The following LRFN2 variants were observed in gnomAD, a reference collection of about 807,000 sequenced individuals.
The protein encoded by LRFN2 is leucine-rich repeat and fibronectin type-III domain-containing protein 2.
A neutral mutation model predicts 37.3 loss-of-function variants in LRFN2; 18 were observed. The observed-to-expected ratio is 0.48, with a 90% CI of 0.33 to 0.72. The LOEUF is 0.72. LRFN2 is among the 30% of genes least tolerant of loss of function. LRFN2 has a pLI of 0.02. For synonymous variants in LRFN2, 556 were observed against 466.6 expected (o/e 1.19, Z -2.47); for missense variants, 1,006 against 1,060.7 (o/e 0.95, Z 0.72).
At chr6:40,496,268 A>G (rs1232463224) in intron 1 of LRFN2, among the ~76,000 whole-genome samples, 1 of 152,094 alleles carries the variant, frequency 6.6e-6, no homozygotes, top group Non-Finnish European at 1.5e-5. Flanking sequence ...CTTCTAATTT[A>G]TCCTGTCATT....
At chr6:40,537,069 G>T (rs373623877) in intron 1 of LRFN2, among the ~76,000 whole-genome samples, 4 of 152,296 alleles carry the variant, frequency 2.6e-5, no homozygotes, top group Non-Finnish European at 5.9e-5. Context: ...GCTAGTACAC[G>T]GCAGAGCTGG....
In LRFN2 at chr6:40,523,505, A is replaced by ATTTTTTTTTT. The variant is rs751179915; in HGVS notation, c.-19+63426_-19+63435dup. Among the ~76,000 whole-genome samples, 2 of 129,314 alleles carry ATTTTTTTTTT rather than the reference A, an allele frequency of 1.5e-5. 1 individual carries two copies. 84.8% of individuals were successfully genotyped at this position (129,314 alleles called of 152,430 possible). Reference sequence around the variant, plus strand: ...TAGGACCCTAAAGCATCTTTAGGTGATTTTTTTTTTTTTTTTTTTTTTTTT... The same window carrying ATTTTTTTTTT: ...TAGGACCCTAAAGCATCTTTAGGTGATTTTTTTTTTTTTTTTTTTTTTTTTTTTTTTTTTT... On this transcript the variant is annotated intron_variant, in intron 1 of 2. Transcript: ENST00000338305.
At chr6:40,508,988 T>C (rs941933171) in intron 1 of LRFN2, among the ~76,000 whole-genome samples, 3 of 152,346 alleles carry the variant, frequency 2.0e-5, no homozygotes, top group Middle Eastern at 3.4e-3. Flanking sequence ...CCCTTCCTTA[T>C]AAGGACTATG....
At chr6:40,520,682 G>C (rs1359338035) in intron 1 of LRFN2, among the ~76,000 whole-genome samples, 1 of 147,236 alleles carries the variant, frequency 6.8e-6, no homozygotes, top group Non-Finnish European at 1.5e-5. Context: ...CCAGCAAGGA[G>C]AGGGGCCTCT....
intron 1 of LRFN2, among the ~76,000 whole-genome samples, chr6:40,542,312 C>T (rs567408270): frequency 1.6e-4 from 24 of 151,990 alleles, no homozygotes; most frequent in Non-Finnish European, 3.2e-4. Context: ...AAACCTGGCC[C>T]GGAGAGGTGG....
At chr6:40,583,726 C>T (rs907019062) in intron 1 of LRFN2, among the ~76,000 whole-genome samples, 2 of 152,138 alleles carry the variant, frequency 1.3e-5, no homozygotes, top group African/African-American at 4.8e-5. Flanking sequence ...GTATCCCTCC[C>T]GCTACTACAC....
At chr6:40,582,333 G>C (rs1388725124) in intron 1 of LRFN2, among the ~76,000 whole-genome samples, 2 of 151,862 alleles carry the variant, frequency 1.3e-5, no homozygotes. Flanking sequence ...TAAATGCAGT[G>C]AAATCTAAAG....
chr6:40,517,977 C>T (rs1457214463), intron 1 of LRFN2, among the ~76,000 whole-genome samples: 1 of 152,180 alleles, frequency 6.6e-6, no homozygotes, highest in Non-Finnish European at 1.5e-5. Flanking sequence ...GACTCCTCAT[C>T]TCCCAGTTCA....
At chr6:40,563,366 G>A (rs144301525) in intron 1 of LRFN2, among the ~76,000 whole-genome samples, 1 of 152,242 alleles carries the variant, frequency 6.6e-6, no homozygotes, top group East Asian at 1.9e-4. Context: ...GGCCCTCCAG[G>A]GTCCTGAGGC....
At chr6:40,504,546 C>T (rs1033044582) in intron 1 of LRFN2, among the ~76,000 whole-genome samples, 1 of 152,170 alleles carries the variant, frequency 6.6e-6, no homozygotes, top group African/African-American at 2.4e-5. Flanking sequence ...AAAAGAAGCA[C>T]ATTCTGGAGC....
intron 1 of LRFN2, among the ~76,000 whole-genome samples, chr6:40,490,683 C>T (rs940656465): frequency 1.3e-5 from 2 of 152,220 alleles, no homozygotes; most frequent in African/African-American, 2.4e-5. Flanking sequence ...CACAGCCAGG[C>T]CTGGGTTTGC....
intron 1 of LRFN2, among the ~76,000 whole-genome samples, chr6:40,556,509 G>A (rs4601126): frequency 0.47 from 71,588 of 151,464 alleles, 17,887 homozygotes; most frequent in African/African-American, 0.64. Context: ...GAGCTCACCT[G>A]CACCCTGATT....
chr6:40,449,258 C>G (rs1181534383), intron 1 of LRFN2, among the ~76,000 whole-genome samples: 1 of 152,196 alleles, frequency 6.6e-6, no homozygotes, highest in East Asian at 1.9e-4. Context: ...TAAATCAAAA[C>G]ATTCCTTTGT....
chr6:40,564,466 TCTC>T (rs1340969886), intron 1 of LRFN2, among the ~76,000 whole-genome samples: 1 of 152,066 alleles, frequency 6.6e-6, no homozygotes, highest in Non-Finnish European at 1.5e-5. Context: ...ATCTTTGAGA[TCTC>T]CTTCACATTC....
chr6:40,573,277 G>A (rs1332557907), intron 1 of LRFN2, among the ~76,000 whole-genome samples: 1 of 152,194 alleles, frequency 6.6e-6, no homozygotes, highest in African/African-American at 2.4e-5. Flanking sequence ...TACAGTTGGG[G>A]GGAATTTGGA....
intron 2 of LRFN2, among the ~76,000 whole-genome samples, chr6:40,402,819 C>T (rs1234965989): frequency 2.0e-5 from 3 of 152,174 alleles, no homozygotes; most frequent in Admixed American, 2.0e-4. Context: ...TAATTAGAGC[C>T]AGAAATGGGA....
chr6:40,452,550 G>A (rs1212119946), intron 1 of LRFN2, among the ~76,000 whole-genome samples: 6 of 152,182 alleles, frequency 3.9e-5, no homozygotes, highest in East Asian at 1.9e-4. Context: ...GCTTGTGGCC[G>A]TGTGATCCTC....
intron 1 of LRFN2, among the ~76,000 whole-genome samples, chr6:40,537,972 T>G (rs903345326): frequency 1.3e-5 from 2 of 151,994 alleles, no homozygotes; most frequent in Non-Finnish European, 2.9e-5. Flanking sequence ...TCTTGCCCCA[T>G]CACCTTTCCT....
intron 2 of LRFN2, among the ~76,000 whole-genome samples, chr6:40,394,832 T>A (rs1324411115): frequency 6.6e-6 from 1 of 152,160 alleles, no homozygotes; most frequent in Non-Finnish European, 1.5e-5. Flanking sequence ...AAGGGGAGTT[T>A]CCCTGCACAA....
Sources: gnomAD v4.1 joint callset for allele counts (sites outside exome capture counted in the v4.1 genomes callset) on GRCh38, gnomAD v4.1.1 for gene constraint, MANE v1.5 for transcripts, NCBI Gene and HGNC (gene_info 2026-07-23, HGNC 2026-07-21) for gene names.